Variants in PARD3B observed in about 807,000 individuals in gnomAD.
The protein encoded by PARD3B is partitioning defective 3 homolog B.
PARD3B carries 103 observed loss-of-function variants against 130.2 expected under a neutral mutation model. The observed-to-expected ratio is 0.79, with a 90% CI of 0.67 to 0.93. The LOEUF (loss-of-function observed/expected upper bound fraction) is 0.93, where lower values mean the gene tolerates loss of function less well. PARD3B is among the 40% of genes least tolerant of loss of function. The pLI is 0.00. For missense variants in PARD3B, 1,609 were observed against 1,499.2 expected, an observed-to-expected ratio of 1.07 and a Z score of -1.21; for synonymous variants, 583 against 553.2, an observed-to-expected ratio of 1.05 and a Z score of -0.76.
chr2:204,653,617 C>A lies in PARD3B; in HGVS notation c.121-32564C>A, dbSNP rs62177798. Among the ~76,000 whole-genome samples, 1,060 of 150,282 alleles carry A rather than the reference C, an allele frequency of 7.1e-3. 27 individuals are homozygous for A. The highest frequency in any genetic ancestry group is 0.012 in the Non-Finnish European group (825 of 67,908). On this transcript the variant is annotated intron_variant, in intron 1 of 22. Coordinates refer to ENST00000406610, the MANE Select transcript of PARD3B (RefSeq NM_001302769.2). ...ACCAGCCTGACCAACAAGGTGAAAC[C>A]CCATCTCTACTAAAAATACAAAAAT... is the stretch of plus-strand genomic sequence containing the variant.
In PARD3B at chr2:204,804,765, A is replaced by G. The variant is rs1002370917; in HGVS notation, c.222+118483A>G. Among the ~76,000 whole-genome samples, 4 of 152,332 alleles carry G rather than the reference A, an allele frequency of 2.6e-5. No homozygotes were observed. The East Asian group carries it at 7.7e-4, about 29-fold the overall frequency. On this transcript the variant is annotated intron_variant, in intron 2 of 22. Coordinates refer to ENST00000406610, the MANE Select transcript of PARD3B (RefSeq NM_001302769.2). Reference sequence around the variant, plus strand: ...ACACGTCTTAAAACTTTCAAAAACAATGAAATAATATCAAGCATGTTCTCT... The same window carrying G: ...ACACGTCTTAAAACTTTCAAAAACAGTGAAATAATATCAAGCATGTTCTCT...
intron 3 of PARD3B, among the ~76,000 whole-genome samples, chr2:204,999,104 C>CT (rs199531116): frequency 0.031 from 4,537 of 144,170 alleles, 131 homozygotes; most frequent in African/African-American, 0.071. Flanking sequence ...TGCTTTCTTA[C>CT]TTTTTTTTTT....
At chr2:204,927,073 A>G (rs138434017) in intron 2 of PARD3B, among the ~76,000 whole-genome samples, 1 of 152,234 alleles carries the variant, frequency 6.6e-6, no homozygotes, top group African/African-American at 2.4e-5. Flanking sequence ...TTGAGTTTTT[A>G]ATTAGTATTT....
intron 1 of PARD3B, among the ~76,000 whole-genome samples, chr2:204,625,096 A>T (rs1007227442): frequency 1.3e-5 from 2 of 152,040 alleles, no homozygotes; most frequent in African/African-American, 4.8e-5. Flanking sequence ...TTTGAGAGGT[A>T]TTTTTATATT....
At chr2:204,794,904 A>G (rs1178169136) in intron 2 of PARD3B, among the ~76,000 whole-genome samples, 1 of 152,120 alleles carries the variant, frequency 6.6e-6, no homozygotes, top group Non-Finnish European at 1.5e-5. Flanking sequence ...CTCTCTAGAT[A>G]ATTTATTATT....
Position 205,550,739 on chromosome 2 carries a change from G to T in PARD3B, c.3181-2585G>T, listed in dbSNP as rs189184409. On this transcript the variant is annotated intron_variant, in intron 21 of 22. Coordinates refer to ENST00000406610, the MANE Select transcript of PARD3B (RefSeq NM_001302769.2). The surrounding 1 kb of genome is among the most constrained non-coding windows in gnomAD (Gnocchi z 4.5). ...ATATGCTGTTGGGTATATTTCATAG[G>T]TGTGTGTATGTATACTATATATAAA... Among the ~76,000 whole-genome samples, 1 of 151,144 alleles carries T rather than the reference G, an allele frequency of 6.6e-6. No homozygotes were observed. Among genetic ancestry groups the T allele is most frequent in the Non-Finnish European group, 1.5e-5 (1 of 67,884 alleles).
chr2:204,812,842 C>G (rs77850680), intron 2 of PARD3B, among the ~76,000 whole-genome samples: 1 of 152,040 alleles, frequency 6.6e-6, no homozygotes, highest in Admixed American at 6.6e-5. Context: ...AATTATTATT[C>G]TAGGGAGACA....
intron 4 of PARD3B, 123 bp from the exon 5 acceptor site, chr2:205,104,303 A>C: frequency 1.6e-6 from 1 of 644,034 alleles, no homozygotes; most frequent in Non-Finnish European, 2.7e-6. Flanking sequence ...GTTTTCAAAG[A>C]AATTAGAGCA....
chr2:205,327,038 T>G (rs77568725), intron 18 of PARD3B, among the ~76,000 whole-genome samples: 2,023 of 152,330 alleles, frequency 0.013, 22 homozygotes, highest in Non-Finnish European at 0.021. Context: ...TATCTTAGTC[T>G]GATCATCAGA....
chr2:204,555,591 G>T (rs2030865563), intron 1 of PARD3B, among the ~76,000 whole-genome samples: 1 of 152,092 alleles, frequency 6.6e-6, no homozygotes, highest in Non-Finnish European at 1.5e-5. Context: ...ATGAGTATAT[G>T]CTGAGTTCCT....
intron 16 of PARD3B, among the ~76,000 whole-genome samples, chr2:205,285,747 T>A (rs1417642110): frequency 6.6e-6 from 1 of 152,142 alleles, no homozygotes; most frequent in Non-Finnish European, 1.5e-5. Flanking sequence ...TCCTCTGACT[T>A]CTGCCACTCC....
chr2:204,576,931 T>C lies in PARD3B; in HGVS notation c.120+30812T>C, dbSNP rs544991996. ...CACAATCAGAAACCGTGCCGTGTTT[T>C]TAATGGATATTTTTCTCTTGCACTA... is the stretch of plus-strand genomic sequence containing the variant. On this transcript the variant is annotated intron_variant, in intron 1 of 22. Transcript: ENST00000406610. 3.3e-5 allele frequency among the ~76,000 whole-genome samples: 5 copies of C among 152,354 alleles called. No homozygotes were observed. The South Asian group carries it at 1.0e-3, about 32-fold the overall frequency.
chr2:205,064,680 G>T (rs945631605), intron 4 of PARD3B, among the ~76,000 whole-genome samples: 5 of 152,164 alleles, frequency 3.3e-5, no homozygotes, highest in Non-Finnish European at 7.3e-5. Context: ...ATCAGTATTG[G>T]CAGTGAGTGC....
At chr2:204,836,662 G>A (rs962497909) in intron 2 of PARD3B, among the ~76,000 whole-genome samples, 3 of 151,812 alleles carry the variant, frequency 2.0e-5, no homozygotes, top group Admixed American at 6.6e-5. Flanking sequence ...CTCCATCTCC[G>A]AAAAAATAAT....
intron 22 of PARD3B, among the ~76,000 whole-genome samples, chr2:205,613,706 A>T (rs2055318517): frequency 1.3e-5 from 2 of 152,224 alleles, no homozygotes; most frequent in Admixed American, 1.3e-4. Flanking sequence ...AGGATCTTTC[A>T]TTATTATACA....
intron 1 of PARD3B, among the ~76,000 whole-genome samples, chr2:204,652,771 G>T (rs1297069162): frequency 6.6e-6 from 1 of 151,550 alleles, no homozygotes; most frequent in African/African-American, 2.4e-5. Flanking sequence ...CAGTTCTGCA[G>T]GCTTAACAAG....
chr2:205,385,704 C>T (rs1289423269), intron 18 of PARD3B, among the ~76,000 whole-genome samples: 2 of 152,030 alleles, frequency 1.3e-5, no homozygotes, highest in African/African-American at 4.8e-5. Flanking sequence ...TTCTGACCCC[C>T]CTGACTCAAC....
At chr2:205,242,790 T>G (rs1333977835) in intron 15 of PARD3B, among the ~76,000 whole-genome samples, 10 of 152,326 alleles carry the variant, frequency 6.6e-5, no homozygotes, top group Middle Eastern at 3.4e-3. Context: ...TGCAAAGTGC[T>G]TTTGTACATT....
chr2:204,724,307 C>T (rs2039124183), intron 2 of PARD3B, among the ~76,000 whole-genome samples: 1 of 152,112 alleles, frequency 6.6e-6, no homozygotes, highest in Non-Finnish European at 1.5e-5. Context: ...TTAGAAGATA[C>T]TAGCAAATAA....
Sources: gnomAD v4.1 joint callset for allele counts (sites outside exome capture counted in the v4.1 genomes callset) on GRCh38, gnomAD v4.1.1 for gene constraint, Gnocchi (gnomAD v3.1) non-coding constraint, MANE v1.5 for transcripts, NCBI Gene and HGNC (gene_info 2026-07-23, HGNC 2026-07-21) for gene names.